Variants in LRRC3B observed in about 807,000 individuals in gnomAD.
The protein encoded by LRRC3B is leucine-rich repeat-containing protein 3B.
LRRC3B carries 2 observed loss-of-function variants against 12.8 expected under a neutral mutation model. The ratio of observed to expected loss-of-function variants is 0.16; its 90% CI spans 0.06 to 0.49. The LOEUF (loss-of-function observed/expected upper bound fraction) is 0.49, where lower values mean the gene tolerates loss of function less well. Ranked by LOEUF, LRRC3B falls within the 20% of genes least tolerant of loss-of-function variation. LRRC3B has a pLI of 0.96. For missense variants in LRRC3B, 189 were observed against 319.4 expected (o/e 0.59, Z 3.11); for synonymous variants, 132 against 122.0 (o/e 1.08, Z -0.54).
At chr3:26,710,452 G>A (rs1194396580) in exon 2 of LRRC3B, 2 of 1,572,738 alleles carry the variant, frequency 1.3e-6, no homozygotes, top group African/African-American at 1.4e-5. Context: ...CTGTGGTATA[G>A]TGTCCAAACT....
chr3:26,643,958 C>A (rs1699088385), intron 1 of LRRC3B, among the ~76,000 whole-genome samples: 1 of 152,198 alleles, frequency 6.6e-6, no homozygotes, highest in African/African-American at 2.4e-5. Context: ...CATATACGCA[C>A]AAAGAGCAAT....
chr3:26,690,640 A>G (rs1195056124), intron 1 of LRRC3B, among the ~76,000 whole-genome samples: 1 of 152,152 alleles, frequency 6.6e-6, no homozygotes, highest in Non-Finnish European at 1.5e-5. Context: ...TGCACAGTAT[A>G]GAAAAGATGG....
At chr3:26,676,631 A>C (rs556675691) in intron 1 of LRRC3B, among the ~76,000 whole-genome samples, 1 of 152,176 alleles carries the variant, frequency 6.6e-6, no homozygotes. Context: ...ACACTTTTAC[A>C]TGGTTGGTGG....
chr3:26,654,022 G>A (rs1699320395), intron 1 of LRRC3B, among the ~76,000 whole-genome samples: 1 of 152,054 alleles, frequency 6.6e-6, no homozygotes, highest in Non-Finnish European at 1.5e-5. Context: ...TCCTAGATGG[G>A]GAAACAGTCC....
chr3:26,705,306 C>T (rs1166477444), intron 1 of LRRC3B, among the ~76,000 whole-genome samples: 2 of 151,780 alleles, frequency 1.3e-5, no homozygotes, highest in Admixed American at 6.6e-5. Context: ...AAGTAATTCT[C>T]CTTTGGGGTG....
intron 1 of LRRC3B, among the ~76,000 whole-genome samples, chr3:26,640,457 A>G (rs111380464): frequency 2.4e-5 from 2 of 84,750 alleles, no homozygotes; most frequent in East Asian, 6.4e-4. Context: ...AAAAACAAAA[A>G]CAAACAAACA....
chr3:26,690,093 T>C (rs770998104), intron 1 of LRRC3B, among the ~76,000 whole-genome samples: 45 of 152,302 alleles, frequency 3.0e-4, no homozygotes, highest in Non-Finnish European at 5.4e-4. Context: ...AAAACATGGG[T>C]GTACCTGACC....
At chr3:26,700,192 A>T (rs968911957) in intron 1 of LRRC3B, among the ~76,000 whole-genome samples, 1 of 152,156 alleles carries the variant, frequency 6.6e-6, no homozygotes, top group African/African-American at 2.4e-5. Flanking sequence ...TGTGATTTTG[A>T]TAAAAGTTTT....
intron 1 of LRRC3B, among the ~76,000 whole-genome samples, chr3:26,693,741 C>T (rs1402380898): frequency 1.3e-5 from 2 of 152,154 alleles, no homozygotes; most frequent in Non-Finnish European, 2.9e-5. Context: ...GTTAGACAAA[C>T]TTAGGTATGC....
rs1422090962 is a variant in LRRC3B at position 26,655,385 on chromosome 3, C to T, written c.-161+32148C>T. Among the ~76,000 whole-genome samples, 3 of 152,206 alleles carry T rather than the reference C, an allele frequency of 2.0e-5. No homozygotes were observed. The East Asian group carries it at 5.8e-4, about 29-fold the overall frequency. ...GCTCTGTTAAAGCCTGTGAGAGGCA[C>T]CATAATGTCTATATCTTGAGTTACT... On this transcript the variant is annotated intron_variant, in intron 1 of 1. Coordinates refer to ENST00000396641, the Ensembl canonical transcript of LRRC3B.
chr3:26,695,298 C>CG (rs1333223619), intron 1 of LRRC3B, among the ~76,000 whole-genome samples: 1 of 152,012 alleles, frequency 6.6e-6, no homozygotes, highest in Non-Finnish European at 1.5e-5. Flanking sequence ...GGGGCCGAGG[C>CG]GGGGGGACCA....
chr3:26,636,990 CTCTTTCTCTCTT>C (rs1257692077), intron 1 of LRRC3B, among the ~76,000 whole-genome samples: 3 of 138,456 alleles, frequency 2.2e-5, no homozygotes, highest in African/African-American at 8.2e-5. Context: ...CTCTCTTTCT[CTCTTTCTCTCTT>C]TCTTTCTTTC....
intron 1 of LRRC3B, among the ~76,000 whole-genome samples, chr3:26,653,487 CAT>C (rs1699307788): frequency 6.6e-6 from 1 of 151,976 alleles, no homozygotes; most frequent in African/African-American, 2.4e-5. Context: ...GAGAAGCTGA[CAT>C]GTCATTTCTC....
chr3:26,685,615 G>GTGTGTATATATA (rs1395832034), intron 1 of LRRC3B, among the ~76,000 whole-genome samples: 1 of 120,484 alleles, frequency 8.3e-6, no homozygotes, highest in African/African-American at 3.4e-5. Flanking sequence ...ATGTGTGTGT[G>GTGTGTATATATA]TATATATATA....
intron 1 of LRRC3B, among the ~76,000 whole-genome samples, chr3:26,645,332 C>G (rs1000608340): frequency 2.6e-5 from 4 of 152,030 alleles, no homozygotes; most frequent in African/African-American, 9.7e-5. Context: ...AGACAAGATT[C>G]CCTCCACAAA....
At chr3:26,662,263 C>T (rs573095592) in intron 1 of LRRC3B, among the ~76,000 whole-genome samples, 1 of 152,280 alleles carries the variant, frequency 6.6e-6, no homozygotes, top group South Asian at 2.1e-4. Context: ...CCATGCCCAA[C>T]TTGTGCTCCA....
At chr3:26,676,304 A>G (rs1160284568) in intron 1 of LRRC3B, among the ~76,000 whole-genome samples, 1 of 132,188 alleles carries the variant, frequency 7.6e-6, no homozygotes, top group African/African-American at 2.9e-5. Flanking sequence ...TCATTGTTCA[A>G]TTCCCACCTA....
At chr3:26,637,564 C>T (rs1025598563) in intron 1 of LRRC3B, among the ~76,000 whole-genome samples, 1 of 152,312 alleles carries the variant, frequency 6.6e-6, no homozygotes, top group East Asian at 1.9e-4. Context: ...GGCTAGGAAA[C>T]ACTTGTGGAT....
chr3:26,626,826 A>G (rs1280317496), intron 1 of LRRC3B, among the ~76,000 whole-genome samples: 2 of 152,182 alleles, frequency 1.3e-5, no homozygotes, highest in African/African-American at 2.4e-5. Flanking sequence ...GATGATTCTA[A>G]ATAAGATTAA....
Sources: allele counts gnomAD v4.1 joint callset (sites outside exome capture counted in the v4.1 genomes callset), GRCh38; gene constraint gnomAD v4.1.1; transcripts MANE v1.5; gene names NCBI Gene and HGNC (gene_info 2026-07-23, HGNC 2026-07-21).